The following NSUN7 variants were observed in gnomAD, a reference collection of about 807,000 sequenced individuals.
NSUN7 encodes the protein NOP2/Sun RNA methyltransferase family member 7.
In NSUN7, 39 loss-of-function variants were observed where a neutral mutation model predicts 58.5. The ratio of observed to expected loss-of-function variants is 0.67; its 90% CI spans 0.52 to 0.87. The LOEUF (loss-of-function observed/expected upper bound fraction) is 0.87. Ranked by LOEUF, NSUN7 falls within the 40% of genes least tolerant of loss-of-function variation. The probability of loss-of-function intolerance (pLI) is 0.00; values close to 1 mark genes in which losing one functional copy is unlikely to be tolerated. For missense variants in NSUN7, 765 were observed against 844.1 expected, an observed-to-expected ratio of 0.91 and a Z score of 1.16; for synonymous variants, 278 against 303.7, an observed-to-expected ratio of 0.92 and a Z score of 0.88.
At chr4:40,793,730 G>A (rs147046540) in intron 8 of NSUN7, among the ~76,000 whole-genome samples, 4,854 of 152,246 alleles carry the variant, frequency 0.032, 101 homozygotes, top group Middle Eastern at 0.082. Flanking sequence ...TTTAATGTAT[G>A]TTTAAACAAT....
At chr4:40,793,625 A>AT (rs1743196170) in intron 8 of NSUN7, among the ~76,000 whole-genome samples, 1 of 152,216 alleles carries the variant, frequency 6.6e-6, no homozygotes, top group Non-Finnish European at 1.5e-5. Context: ...GAGAGGCAGT[A>AT]TAATACAGAG....
At chr4:40,752,029 TGAG>T (rs1444759606) in intron 2 of NSUN7, among the ~76,000 whole-genome samples, 1 of 152,160 alleles carries the variant, frequency 6.6e-6, no homozygotes. Flanking sequence ...ATTGCTACTA[TGAG>T]GAGAGCAGTC....
In NSUN7 at chr4:40,808,865, C is replaced by A; in HGVS notation, c.2083C>A (p.Leu695Ile). 6.5e-7 allele frequency: 1 copy of A among 1,548,410 alleles called. No individual in the cohort carries two copies. Among genetic ancestry groups the A allele is most frequent in the South Asian group, 1.2e-5 (1 of 83,986 alleles). The change falls in exon 12 of 12, where the codon CTA becomes ATA. Residue 695 changes from leucine to isoleucine, a missense_variant. Transcript: ENST00000381782. The part of the protein sequence containing the change: ...LVPTCLPTHS[L>I]SRKEEKPKDD... ...GCCCACCTGCCTTCCCACACACTCA[C>A]TATCCAGAAAAGAGGAAAAGCCTAA...
Position 40,799,073 on chromosome 4 carries a change from C to CTTTTTTTTTTTTTT in NSUN7, c.1400+185_1400+198dup, listed in dbSNP as rs761448412. 2.7e-3 allele frequency among the ~76,000 whole-genome samples: 208 copies of CTTTTTTTTTTTTTT among 76,192 alleles called. 41 individuals are homozygous for CTTTTTTTTTTTTTT. The highest frequency in any genetic ancestry group is 9.6e-3 in the African/African-American group (193 of 20,122). The allele number at this position is 76,192 out of a possible 152,430, so 50.0% of individuals were successfully genotyped here. A position where few individuals can be genotyped will look rare whatever the true frequency, so the allele number is the denominator to read the frequency against. Reference sequence around the variant, plus strand: ...AACCAAGATTCCATAGGGCCTTTTTCTTTTTTTTTTTTTTTTTTTTTTTTT... The same window carrying CTTTTTTTTTTTTTT: ...AACCAAGATTCCATAGGGCCTTTTTCTTTTTTTTTTTTTTTTTTTTTTTTTTTTTTTTTTTTTTT... On this transcript the variant is annotated intron_variant, in intron 10 of 11. Coordinates refer to ENST00000381782, the MANE Select transcript of NSUN7 (RefSeq NM_024677.6).
intron 4 of NSUN7, among the ~76,000 whole-genome samples, chr4:40,764,663 C>T (rs1741627306): frequency 6.6e-6 from 1 of 152,240 alleles, no homozygotes; most frequent in South Asian, 2.1e-4. Flanking sequence ...ACACTGACTT[C>T]TACAATGGTT....
chr4:40,796,769 A>C (rs1234616471), intron 9 of NSUN7, among the ~76,000 whole-genome samples: 3 of 152,120 alleles, frequency 2.0e-5, no homozygotes, highest in African/African-American at 7.2e-5. Flanking sequence ...AACTCTCTTC[A>C]TATCCCTTTG....
chr4:40,767,397 G>A (rs531473331), intron 4 of NSUN7, among the ~76,000 whole-genome samples: 1 of 152,334 alleles, frequency 6.6e-6, no homozygotes, highest in Admixed American at 6.5e-5. Context: ...GCGGTTTTGA[G>A]TGAGTTTCTT....
rs756351397 is a variant in NSUN7 at position 40,761,290 on chromosome 4, CCTT to C, written c.481_483del (p.Leu161del). The C allele has an allele frequency of 2.5e-6, 4 of 1,598,006 alleles. No individual in the cohort carries two copies. Among genetic ancestry groups the C allele is most frequent in the Admixed American group, 3.6e-5 (2 of 55,812 alleles). ...TATCAGAAGTTCAAGAAGTAGAGAACCTTCTTAACAGGTAATCGTAAAAGTGAA... is the reference window on the plus strand; with the variant it reads ...TATCAGAAGTTCAAGAAGTAGAGAACCTTAACAGGTAATCGTAAAAGTGAA... On this transcript the variant is annotated inframe_deletion, in exon 4 of 12. Coordinates refer to ENST00000381782, the MANE Select transcript of NSUN7 (RefSeq NM_024677.6).
In NSUN7 at chr4:40,798,807, G is replaced by T; in HGVS notation, c.1303G>T (p.Val435Phe). ...AMKFTKAQAV[V>F]YCTCSVFPEE... ...TATAGTTACTAAAGCTCAAGCAGTT[G>T]TTTACTGCACATGTTCAGTTTTTCC... The change falls in exon 10 of 12, where the codon GTT (valine) becomes TTT (phenylalanine). Residue 435 changes from valine to phenylalanine, a missense_variant. Coordinates refer to ENST00000381782, the MANE Select transcript of NSUN7 (RefSeq NM_024677.6). 2 of 1,606,676 alleles carry T rather than the reference G, an allele frequency of 1.2e-6. No homozygotes were observed. Among genetic ancestry groups the T allele is most frequent in the Non-Finnish European group, 1.7e-6 (2 of 1,174,722 alleles).
intron 4 of NSUN7, among the ~76,000 whole-genome samples, chr4:40,763,731 T>A (rs2154286943): frequency 6.6e-6 from 1 of 152,304 alleles, no homozygotes; most frequent in South Asian, 2.1e-4. Context: ...TCCCCAGATT[T>A]TCCCTATTCC....
chr4:40,804,899 G>A (rs1743751322), intron 10 of NSUN7, among the ~76,000 whole-genome samples: 1 of 152,116 alleles, frequency 6.6e-6, no homozygotes, highest in South Asian at 2.1e-4. Flanking sequence ...GCCCTGGCCT[G>A]CAGAGGAAAA....
intron 1 of NSUN7, 54 bp from the exon 2 acceptor site, chr4:40,750,549 C>T (rs1325946062): frequency 1.1e-6 from 1 of 945,998 alleles, no homozygotes; most frequent in Non-Finnish European, 1.6e-6. Flanking sequence ...GGGGGCCACC[C>T]ACAGGGGTGC....
chr4:40,810,003 TA>T lies in NSUN7; in HGVS notation c.*1069del, dbSNP rs1744109840. On this transcript the variant is annotated 3_prime_UTR_variant, in exon 12 of 12. Transcript: ENST00000381782. The stretch of plus-strand genomic sequence containing the variant: ...AGATACAACTATATATCTTATTATT[TA>T]AAAACATTCATAGACATATTCATAA... 6.6e-6 allele frequency: 1 copy of T among 152,228 alleles called. No homozygotes were observed. Among genetic ancestry groups the T allele is most frequent in the South Asian group, 2.1e-4 (1 of 4,830 alleles). The allele number at this position is 152,228 out of a possible 1,614,324, so 9.4% of individuals were successfully genotyped here.
At chr4:40,801,079 G>T (rs6850153) in intron 10 of NSUN7, among the ~76,000 whole-genome samples, 26,940 of 150,012 alleles carry the variant, frequency 0.18, 2,977 homozygotes, top group East Asian at 0.35. Flanking sequence ...GAGGGAGGGA[G>T]GGAGGAAGGT....
At chr4:40,769,409 C>T (rs1741893788) in intron 4 of NSUN7, among the ~76,000 whole-genome samples, 1 of 152,192 alleles carries the variant, frequency 6.6e-6, no homozygotes, top group African/African-American at 2.4e-5. Flanking sequence ...AGAAGCAGCA[C>T]AGAAACCTGA....
At chr4:40,777,471 T>A (rs1742325593) in intron 7 of NSUN7, among the ~76,000 whole-genome samples, 5 of 152,038 alleles carry the variant, frequency 3.3e-5, no homozygotes. Flanking sequence ...GCAGCTGGGA[T>A]TACAGGTACT....
chr4:40,751,288 A>AT (rs1178988247), intron 2 of NSUN7, among the ~76,000 whole-genome samples: 36 of 150,726 alleles, frequency 2.4e-4, no homozygotes, highest in East Asian at 1.8e-3. Context: ...CTCTCCCTGT[A>AT]TTTTTTTTTC....
At chr4:40,802,268 G>C (rs1347260886) in intron 10 of NSUN7, among the ~76,000 whole-genome samples, 1 of 151,112 alleles carries the variant, frequency 6.6e-6, no homozygotes, top group Non-Finnish European at 1.5e-5. Flanking sequence ...TTGACGTTTG[G>C]CTCTTTCTAT....
In NSUN7 at chr4:40,809,185, G is replaced by GT. The variant is rs909318388; in HGVS notation, c.*247dup. 15 of 397,746 alleles carry GT rather than the reference G, an allele frequency of 3.8e-5. No homozygotes were observed. Among genetic ancestry groups the GT allele is most frequent in the Admixed American group, 8.4e-5 (2 of 23,700 alleles). The allele number at this position is 397,746 out of a possible 1,614,324, so 24.6% of individuals were successfully genotyped here. A position where few individuals can be genotyped will look rare whatever the true frequency, so the allele number is the denominator to read the frequency against. On this transcript the variant is annotated 3_prime_UTR_variant, in exon 12 of 12. Transcript: ENST00000381782. ...CTGAGAGGATCCAGTTAGAGACTCA[G>GT]TATCAGCGGTCAGAACTTATCTCAC... is the stretch of plus-strand genomic sequence containing the variant.
Sources: gnomAD v4.1 joint callset for allele counts (sites outside exome capture counted in the v4.1 genomes callset) on GRCh38, gnomAD v4.1.1 for gene constraint, MANE v1.5 for transcripts, NCBI Gene and HGNC (gene_info 2026-07-23, HGNC 2026-07-21) for gene names.